Variants in ATP10B observed in about 807,000 individuals in gnomAD.
ATP10B encodes the protein phospholipid-transporting ATPase VB.
Under a neutral mutation model 141.2 loss-of-function variants are expected in ATP10B, and 122 were observed. That is an observed-to-expected ratio of 0.86 (90% CI 0.75 to 1.00). The LOEUF (loss-of-function observed/expected upper bound fraction) is 1.00, where lower values mean the gene tolerates loss of function less well. Ranked by LOEUF, ATP10B falls within the 50% of genes least tolerant of loss-of-function variation. The pLI is 0.00. For synonymous variants in ATP10B, 685 were observed against 692.0 expected, an observed-to-expected ratio of 0.99 and a Z score of 0.16; for missense variants, 1,876 against 1,825.3, an observed-to-expected ratio of 1.03 and a Z score of -0.51.
intron 1 of ATP10B, among the ~76,000 whole-genome samples, chr5:160,802,483 T>A (rs1418977715): frequency 6.6e-6 from 1 of 152,214 alleles, no homozygotes; most frequent in South Asian, 2.1e-4. Context: ...GATATCTAGA[T>A]GAGACAATGC....
At chr5:160,902,285 A>T in the ATP10B span, among the ~76,000 whole-genome samples, 12 of 152,320 alleles carry the variant, frequency 7.9e-5, no homozygotes, top group Middle Eastern at 3.4e-3. Flanking sequence ...AGATGCTAAG[A>T]CTTCTACAAA....
intron 7 of ATP10B, among the ~76,000 whole-genome samples, chr5:160,651,001 A>G (rs995736961): frequency 5.3e-5 from 8 of 152,204 alleles, no homozygotes; most frequent in African/African-American, 1.9e-4. Context: ...TTGCTGTTAT[A>G]AAAATGCTGT....
At chr5:160,754,067 C>T (rs904490150) in intron 2 of ATP10B, among the ~76,000 whole-genome samples, 1 of 152,180 alleles carries the variant, frequency 6.6e-6, no homozygotes, top group African/African-American at 2.4e-5. Context: ...GGAAACTACA[C>T]AAATGGGCTT....
At chr5:160,913,149 T>G in the ATP10B span, among the ~76,000 whole-genome samples, 5 of 152,200 alleles carry the variant, frequency 3.3e-5, no homozygotes, top group Non-Finnish European at 7.3e-5. Context: ...AAAGAGCTCT[T>G]TCCTCTTCTT....
rs182825887 is a variant in ATP10B at position 160,604,494 on chromosome 5, G to A, written c.3161-453C>T. ...ATTCCAGGGCCAACACACTTCCCTC[G>A]GTCAAACTTGAAATACCATATCAAG... On this transcript the variant is annotated intron_variant, in intron 19 of 25. Transcript: ENST00000327245. Among the ~76,000 whole-genome samples the A allele has an allele frequency of 1.2e-4, 18 of 152,232 alleles. No individual in the cohort carries two copies. The East Asian group carries it at 2.1e-3, about 18-fold the overall frequency.
intron 1 of ATP10B, among the ~76,000 whole-genome samples, chr5:160,788,763 C>T (rs1771357779): frequency 6.6e-6 from 1 of 152,092 alleles, no homozygotes; most frequent in Non-Finnish European, 1.5e-5. Flanking sequence ...ACTGTGCTGA[C>T]TAGTTGTGTG....
At chr5:160,921,860 G>T in the ATP10B span, among the ~76,000 whole-genome samples, 7 of 152,148 alleles carry the variant, frequency 4.6e-5, no homozygotes, top group African/African-American at 1.4e-4. Context: ...TGGGCCTCAT[G>T]ACTTATACCC....
chr5:160,910,318 G>T, the ATP10B span, among the ~76,000 whole-genome samples: 1 of 152,074 alleles, frequency 6.6e-6, no homozygotes, highest in Non-Finnish European at 1.5e-5. Context: ...TAAATCACTT[G>T]TTTCATATTA....
the ATP10B span, among the ~76,000 whole-genome samples, chr5:160,886,147 TA>T: frequency 6.6e-6 from 1 of 152,214 alleles, no homozygotes; most frequent in African/African-American, 2.4e-5. Context: ...TCCTGTTTTG[TA>T]AACCCATGGC....
chr5:160,591,004 A>G (rs1756249778), intron 23 of ATP10B, 55 bp downstream of exon 23: 1 of 1,452,188 alleles, frequency 6.9e-7, no homozygotes, highest in Admixed American at 1.8e-5. Flanking sequence ...TTTATATAAA[A>G]AGGACCAGTT....
chr5:160,686,331 C>T, intron 5 of ATP10B, 58 bp from the exon 6 acceptor site: 5 of 1,295,082 alleles, frequency 3.9e-6, no homozygotes, highest in Non-Finnish European at 5.2e-6. Flanking sequence ...GTACTTTCTC[C>T]CCCATTTCTT....
intron 6 of ATP10B, among the ~76,000 whole-genome samples, chr5:160,671,463 G>A (rs1053340928): frequency 2.0e-5 from 3 of 152,112 alleles, no homozygotes; most frequent in African/African-American, 4.8e-5. Context: ...TAGGAAAGGC[G>A]AGGATCTCTG....
intron 24 of ATP10B, among the ~76,000 whole-genome samples, chr5:160,575,331 C>T (rs1487915070): frequency 1.3e-5 from 2 of 152,044 alleles, no homozygotes; most frequent in African/African-American, 4.8e-5. Context: ...TTCATGTCTC[C>T]TTAGTCTCCT....
rs181607554 is a variant in ATP10B, at chr5:160,801,151, G to C, written c.-575-15348C>G. On this transcript the variant is annotated intron_variant, in intron 1 of 25. Coordinates refer to ENST00000327245, the MANE Select transcript of ATP10B (RefSeq NM_025153.3). ...TATTCATCCAACATTCCAGCTGCCA[G>C]GGTCCTCTGTGAACACTGATTCTCT... 2.5e-3 allele frequency among the ~76,000 whole-genome samples: 377 copies of C among 152,266 alleles called. 1 individual carries two copies. Among genetic ancestry groups the C allele is most frequent in the Non-Finnish European group, 4.4e-3 (301 of 68,018 alleles).
intron 6 of ATP10B, among the ~76,000 whole-genome samples, chr5:160,682,011 A>C (rs1356377680): frequency 6.6e-6 from 1 of 152,206 alleles, no homozygotes; most frequent in Admixed American, 6.5e-5. Context: ...CCTAACACTG[A>C]TGCCAACTGT....
chr5:160,836,816 C>A (rs781775412), intron 1 of ATP10B, among the ~76,000 whole-genome samples: 6 of 152,058 alleles, frequency 3.9e-5, no homozygotes, highest in African/African-American at 1.4e-4. Context: ...TCCCTTCATA[C>A]CCAGTCTCTA....
At chr5:160,715,671 GAGA>G (rs2127775499) in intron 3 of ATP10B, among the ~76,000 whole-genome samples, 1 of 150,702 alleles carries the variant, frequency 6.6e-6, no homozygotes, top group Non-Finnish European at 1.5e-5. Flanking sequence ...TGACCATTTT[GAGA>G]AGAATTTAGC....
Position 160,565,606 on chromosome 5 carries a change from G to T in ATP10B, c.4233C>A (p.Asp1411Glu). Residue 1411 changes from aspartate (D) to glutamate (E), a missense_variant, in exon 26 of 26, where the codon GAC becomes GAA. Transcript: ENST00000327245. ...QRCGTECMRD[D>E]SCSGDSSAQL... ...GAGCTGAGGAGTCCCCTGAGCATGA[G>T]TCATCCCTCATGCACTCCGTGCCAC... 1 of 1,614,130 alleles carries T rather than the reference G, an allele frequency of 6.2e-7. No homozygotes were observed. The highest frequency in any genetic ancestry group is 8.5e-7 in the Non-Finnish European group (1 of 1,179,982).
chr5:160,872,775 C>T, the ATP10B span, among the ~76,000 whole-genome samples: 7 of 152,066 alleles, frequency 4.6e-5, no homozygotes, highest in South Asian at 2.1e-4. Context: ...TTGGTGACTA[C>T]GGCCTTAGAG....
Sources: gnomAD v4.1 joint callset for allele counts (sites outside exome capture counted in the v4.1 genomes callset) on GRCh38, gnomAD v4.1.1 for gene constraint, MANE v1.5 for transcripts, NCBI Gene and HGNC (gene_info 2026-07-23, HGNC 2026-07-21) for gene names.